MTDH: variants seen among roughly 807,000 people sequenced by gnomAD.
The protein encoded by MTDH is metadherin.
In MTDH, 34 loss-of-function variants were observed where a neutral mutation model predicts 72.7. That is an observed-to-expected ratio of 0.47 (90% CI 0.36 to 0.62). MTDH has a LOEUF of 0.62. Ranked by LOEUF, MTDH falls within the 20% of genes least tolerant of loss-of-function variation. The pLI, the probability that MTDH is intolerant of heterozygous loss-of-function variation, is 0.00. For missense variants in MTDH, 677 were observed against 699.4 expected, an observed-to-expected ratio of 0.97 and a Z score of 0.36; for synonymous variants, 266 against 268.9, an observed-to-expected ratio of 0.99 and a Z score of 0.10.
Position 97,644,213 on chromosome 8 carries a change from A to C in MTDH, c.-294A>C. The C allele has an allele frequency of 4.7e-6, 2 of 429,706 alleles. No homozygotes were observed. The highest frequency in any genetic ancestry group is 4.9e-5 in the Admixed American group (1 of 20,582). 26.6% of individuals were successfully genotyped at this position (429,706 alleles called of 1,614,324 possible). On this transcript the variant is annotated 5_prime_UTR_variant, in exon 1 of 12. Transcript: ENST00000336273. Reference sequence around the variant, plus strand: ...CGCCATTGTTCCGCCGAGGGAGGACAGCGGGGCCTGGCGCTGGCGCCGAGA... The same window carrying C: ...CGCCATTGTTCCGCCGAGGGAGGACCGCGGGGCCTGGCGCTGGCGCCGAGA...
At chr8:97,663,353 A>G (rs1418428971) in intron 2 of MTDH, among the ~76,000 whole-genome samples, 1 of 152,228 alleles carries the variant, frequency 6.6e-6, no homozygotes, top group East Asian at 1.9e-4. Flanking sequence ...TAAGTATAAT[A>G]TGGCAGGCAC....
At chr8:97,672,746 C>T (rs1173214147) in intron 2 of MTDH, among the ~76,000 whole-genome samples, 1 of 152,130 alleles carries the variant, frequency 6.6e-6, no homozygotes, top group Non-Finnish European at 1.5e-5. Flanking sequence ...AATGGGATCT[C>T]ATACTGAAAT....
Position 97,724,753 on chromosome 8 carries a change from T to C in MTDH, c.*83T>C, listed in dbSNP as rs903800479. ...GTTTATGCAATAATTTGTGAACATG[T>C]ACAGAGTTTTATATAAATTTAAACC... On this transcript the variant is annotated 3_prime_UTR_variant, in exon 12 of 12. Coordinates refer to ENST00000336273, the MANE Select transcript of MTDH (RefSeq NM_178812.4). 3.9e-6 allele frequency: 4 copies of C among 1,033,572 alleles called. No individual in the cohort carries two copies. The highest frequency in any genetic ancestry group is 5.6e-6 in the Non-Finnish European group (4 of 720,596). The allele number at this position is 1,033,572 out of a possible 1,614,324, so 64.0% of individuals were successfully genotyped here. A position where few individuals can be genotyped will look rare whatever the true frequency, so the allele number is the denominator to read the frequency against.
chr8:97,730,222 T>G lies in MTDH; in HGVS notation c.*5552T>G, dbSNP rs1415200841. ...GAATATATGTAACATGTACCTAAGT[T>G]TTAAAAGCATAATAAAATGAACACA... On this transcript the variant is annotated 3_prime_UTR_variant, in exon 12 of 12. Transcript: ENST00000336273. 2.0e-5 allele frequency among the ~76,000 whole-genome samples: 3 copies of G among 152,152 alleles called. No homozygotes were observed. Among genetic ancestry groups the G allele is most frequent in the Non-Finnish European group, 4.4e-5 (3 of 68,030 alleles).
rs376212792 is a variant in MTDH at position 97,697,852 on chromosome 8, ACT to A, written c.1049-1899_1049-1898del. On this transcript the variant is annotated intron_variant, in intron 6 of 11. Coordinates refer to ENST00000336273, the MANE Select transcript of MTDH (RefSeq NM_178812.4). The stretch of plus-strand genomic sequence containing the variant: ...AAGTTTATTGCTTCCTCATTTGGTG[ACT>A]CTGTACAACACACATGCTATTCCCT... Among the ~76,000 whole-genome samples the A allele has an allele frequency of 2.9e-3, 436 of 152,180 alleles. 1 individual carries two copies. Among genetic ancestry groups the A allele is most frequent in the African/African-American group, 8.8e-3 (366 of 41,518 alleles).
chr8:97,644,684 G>T lies in MTDH; in HGVS notation c.178G>T (p.Gly60Trp). The change falls in exon 1 of 12, where the codon GGG becomes TGG. Residue 60 changes from glycine (G) to tryptophan (W), a missense_variant. By Grantham distance (184) the Gly-to-Trp change is radical (BLOSUM62 -2). Transcript: ENST00000336273. The stretch of plus-strand genomic sequence containing the variant: ...GATCCTGGTGGGCACTGGCGCGCTC[G>T]GGCTGCTGCTGCTGTTTCTGCTGGG... ...WVILVGTGALGLLLLFLLGYG... is the reference protein window; with the variant it reads ...WVILVGTGALWLLLLFLLGYG... The T allele has an allele frequency of 6.2e-7, 1 of 1,604,482 alleles. No individual in the cohort carries two copies.
chr8:97,646,983 T>TTC (rs1294143761), intron 1 of MTDH, among the ~76,000 whole-genome samples: 1 of 152,256 alleles, frequency 6.6e-6, no homozygotes, highest in Non-Finnish European at 1.5e-5. Flanking sequence ...TTCTTTAATG[T>TTC]TCATGACCCA....
chr8:97,691,990 C>T (rs1813627167), intron 6 of MTDH, among the ~76,000 whole-genome samples: 1 of 152,036 alleles, frequency 6.6e-6, no homozygotes, highest in African/African-American at 2.4e-5. Context: ...AGCGATTCTC[C>T]TACCTCAGCC....
chr8:97,644,609 G>A lies in MTDH; in HGVS notation c.103G>A (p.Glu35Lys), dbSNP rs756941474. 5.0e-6 allele frequency: 8 copies of A among 1,609,620 alleles called. No individual in the cohort carries two copies. The highest frequency in any genetic ancestry group is 6.8e-6 in the Non-Finnish European group (8 of 1,179,282). ...GGTCGGCCTAGGCTTTCTGCGCACC[G>A]AGCTGGGCCTCGACCTGGGGCTGGA... ...LSVGLGFLRT[E>K]LGLDLGLEPK... is the part of the protein sequence containing the mutation. Residue 35 changes from glutamate (E) to lysine (K), a missense_variant, in exon 1 of 12, where the codon GAG becomes AAG. By Grantham distance (56) the Glu-to-Lys change is moderately conservative. Coordinates refer to ENST00000336273, the MANE Select transcript of MTDH (RefSeq NM_178812.4).
intron 8 of MTDH, among the ~76,000 whole-genome samples, chr8:97,709,769 G>A (rs940841565): frequency 3.3e-5 from 5 of 152,196 alleles, no homozygotes; most frequent in African/African-American, 9.6e-5. Flanking sequence ...CATTAGGAAG[G>A]TACTGTGAAA....
intron 2 of MTDH, among the ~76,000 whole-genome samples, chr8:97,661,565 G>A (rs1373977828): frequency 6.6e-6 from 1 of 152,168 alleles, no homozygotes; most frequent in African/African-American, 2.4e-5. Flanking sequence ...AAATCGTTCA[G>A]TGATGTTTAG....
chr8:97,676,033 G>A lies in MTDH; in HGVS notation c.484-10635G>A, dbSNP rs552042493. 3.3e-5 allele frequency among the ~76,000 whole-genome samples: 5 copies of A among 151,036 alleles called. No homozygotes were observed. The South Asian group carries it at 8.3e-4, about 25-fold the overall frequency. ...TGGCTCACAGCATCCTCAATCTTAC[G>A]GGCTCAGGTGATCCTCCCATCTCAG... On this transcript the variant is annotated intron_variant, in intron 2 of 11. Coordinates refer to ENST00000336273, the MANE Select transcript of MTDH (RefSeq NM_178812.4).
chr8:97,692,301 A>G (rs563389617), intron 6 of MTDH, among the ~76,000 whole-genome samples: 1 of 152,340 alleles, frequency 6.6e-6, no homozygotes, highest in Admixed American at 6.5e-5. Flanking sequence ...TTTTGTAAGT[A>G]TATTTAATGG....
intron 2 of MTDH, among the ~76,000 whole-genome samples, chr8:97,672,743 T>C (rs1356577222): frequency 6.6e-6 from 1 of 152,158 alleles, no homozygotes; most frequent in Non-Finnish European, 1.5e-5. Flanking sequence ...GAGAATGGGA[T>C]CTCATACTGA....
intron 10 of MTDH, among the ~76,000 whole-genome samples, chr8:97,721,697 C>T (rs1389155186): frequency 3.3e-5 from 5 of 152,186 alleles, no homozygotes; most frequent in African/African-American, 7.2e-5. Flanking sequence ...AAATTACTGA[C>T]GTTCTTATCA....
chr8:97,644,543 C>A lies in MTDH; in HGVS notation c.37C>A (p.Gln13Lys). The change falls in exon 1 of 12, where the codon CAG becomes AAG. Residue 13 changes from glutamine (Q) to lysine (K), a missense_variant. Gln to Lys is a moderately conservative substitution (Grantham distance 53). Around this residue, in one of 3 missense-constraint regions of MTDH, gnomAD observed 467 missense variants for 469.1 expected, o/e 1.00. Transcript: ENST00000336273. ...GAGCTGGCAGGACGAGCTGGCCCAG[C>A]AGGCCGAGGAGGGCTCGGCCCGGCT... ...ARSWQDELAQQAEEGSARLRE... is the reference protein window; with the variant it reads ...ARSWQDELAQKAEEGSARLRE... 1 of 1,598,980 alleles carries A rather than the reference C, an allele frequency of 6.3e-7. No individual in the cohort carries two copies. The highest frequency in any genetic ancestry group is 8.5e-7 in the Non-Finnish European group (1 of 1,176,802).
intron 8 of MTDH, among the ~76,000 whole-genome samples, chr8:97,710,727 C>T (rs1325227407): frequency 1.5e-5 from 2 of 136,056 alleles, no homozygotes; most frequent in East Asian, 2.2e-4. Flanking sequence ...AGGCCGGGCG[C>T]GGTGGTTCAC....
At chr8:97,703,617 A>G (rs777234264) in intron 7 of MTDH, among the ~76,000 whole-genome samples, 4 of 152,220 alleles carry the variant, frequency 2.6e-5, no homozygotes, top group African/African-American at 4.8e-5. Flanking sequence ...CTAAAGTATT[A>G]TTAATGAATG....
chr8:97,695,435 A>G (rs898244470), intron 6 of MTDH, among the ~76,000 whole-genome samples: 1 of 152,180 alleles, frequency 6.6e-6, no homozygotes, highest in African/African-American at 2.4e-5. Flanking sequence ...TAAAAGTTAT[A>G]TAGCATTTCA....
Sources: gnomAD v4.1 joint callset for allele counts (sites outside exome capture counted in the v4.1 genomes callset) on GRCh38, gnomAD v4.1.1 for gene constraint, gnomAD v4.1.1 regional missense constraint, MANE v1.5 for transcripts, NCBI Gene and HGNC (gene_info 2026-07-23, HGNC 2026-07-21) for gene names.